The following ARHGEF26 variants were observed in gnomAD, a reference collection of about 807,000 sequenced individuals.
ARHGEF26 encodes the protein Rho guanine nucleotide exchange factor 26.
In ARHGEF26, 59 loss-of-function variants were observed where a neutral mutation model predicts 89.4. The observed-to-expected ratio is 0.66, with a 90% CI of 0.54 to 0.82. ARHGEF26 has a LOEUF of 0.82. Ranked by LOEUF, ARHGEF26 falls within the 40% of genes least tolerant of loss-of-function variation. The pLI is 0.00. For synonymous variants in ARHGEF26, 500 were observed against 428.4 expected (o/e 1.17, Z -2.06); for missense variants, 1,234 against 1,085.6 (o/e 1.14, Z -1.92).
At chr3:154,212,302 A>G (rs969697371) in intron 9 of ARHGEF26, among the ~76,000 whole-genome samples, 6 of 151,100 alleles carry the variant, frequency 4.0e-5, no homozygotes, top group African/African-American at 1.5e-4. Flanking sequence ...TGATCACACC[A>G]CTGTACTACA....
chr3:154,141,473 C>T (rs1719379843), intron 4 of ARHGEF26, among the ~76,000 whole-genome samples: 1 of 152,154 alleles, frequency 6.6e-6, no homozygotes, highest in African/African-American at 2.4e-5. Flanking sequence ...TGTACTATGG[C>T]ACAAAATGTG....
chr3:154,161,961 C>T (rs567656858), intron 6 of ARHGEF26, among the ~76,000 whole-genome samples: 3 of 152,220 alleles, frequency 2.0e-5, no homozygotes, highest in Admixed American at 2.0e-4. Context: ...TTTGCATTGC[C>T]TTTACAAATT....
chr3:154,129,872 C>T lies in ARHGEF26; in HGVS notation c.1269+153C>T, dbSNP rs116606809. The T allele has an allele frequency of 2.8e-3, 2,561 of 926,422 alleles. 9 individuals carry two copies. The highest frequency in any genetic ancestry group is 3.5e-3 in the South Asian group (182 of 52,052). 57.4% of individuals were successfully genotyped at this position (926,422 alleles called of 1,614,324 possible). On this transcript the variant is annotated intron_variant, in intron 4 of 14. Transcript: ENST00000465093. ...GTGAAATGTTTCTCGGAACTCTGCC[C>T]GCACTAATGAGAACATGAACTTTGA...
chr3:154,191,220 C>T, intron 7 of ARHGEF26, 69 bp from the exon 8 acceptor site: 1 of 1,487,382 alleles, frequency 6.7e-7, no homozygotes, highest in Non-Finnish European at 9.1e-7. Flanking sequence ...TTTTGTAATA[C>T]ATTTTTACTT....
chr3:154,256,679 A>AACAC lies in ARHGEF26; in HGVS notation c.*1209_*1212dup, dbSNP rs1298525011. On this transcript the variant is annotated 3_prime_UTR_variant, in exon 15 of 15. Coordinates refer to ENST00000465093, the MANE Select transcript of ARHGEF26 (RefSeq NM_015595.4). ...TCGTTTCCAAATAGAAATTAGCTGGAACACACTACAGTAATCTCAAGGAAG... is the reference window on the plus strand; with the variant it reads ...TCGTTTCCAAATAGAAATTAGCTGGAACACACACACTACAGTAATCTCAAGGAAG... 4 of 1,233,572 alleles carry AACAC rather than the reference A, an allele frequency of 3.2e-6. No homozygotes were observed. The highest frequency in any genetic ancestry group is 4.0e-6 in the Non-Finnish European group (4 of 990,176). 76.4% of individuals were successfully genotyped at this position (1,233,572 alleles called of 1,614,324 possible).
chr3:154,253,213 G>A, intron 13 of ARHGEF26, 30 bp downstream of exon 13: 1 of 1,613,322 alleles, frequency 6.2e-7, no homozygotes, highest in Non-Finnish European at 8.5e-7. Context: ...AGCCCACTTG[G>A]GAACATGGAT....
At chr3:154,246,473 A>T (rs547688590) in intron 12 of ARHGEF26, among the ~76,000 whole-genome samples, 1 of 152,320 alleles carries the variant, frequency 6.6e-6, no homozygotes, top group South Asian at 2.1e-4. Context: ...GACATTTCTG[A>T]GGCATCAAAA....
chr3:154,121,900 G>C, intron 1 of ARHGEF26, 42 bp from the exon 2 acceptor site: 1 of 1,480,498 alleles, frequency 6.8e-7, no homozygotes, highest in South Asian at 1.4e-5. Flanking sequence ...AGGCGTCCCC[G>C]GTTGTCCAGA....
chr3:154,143,766 C>A (rs946635430), intron 4 of ARHGEF26, among the ~76,000 whole-genome samples: 8 of 152,106 alleles, frequency 5.3e-5, no homozygotes. Context: ...TGTTAGTCTT[C>A]GGTTAAATTA....
intron 6 of ARHGEF26, among the ~76,000 whole-genome samples, chr3:154,178,994 A>G (rs1312647064): frequency 1.3e-5 from 2 of 152,190 alleles, no homozygotes; most frequent in Non-Finnish European, 2.9e-5. Context: ...GGGCATTTCG[A>G]GTTCTACATG....
At chr3:154,156,632 T>C (rs1308590468) in intron 6 of ARHGEF26, among the ~76,000 whole-genome samples, 3 of 152,174 alleles carry the variant, frequency 2.0e-5, no homozygotes, top group African/African-American at 7.2e-5. Context: ...GAAACACTCA[T>C]TTCAGATACA....
rs776306982 is a variant in ARHGEF26, at chr3:154,254,725, A to G, written c.2374A>G (p.Thr792Ala). ...GKPPADRTSL[T>A]QVEIVRSFTA... is the part of the protein sequence containing the mutation. Reference sequence around the variant, plus strand: ...ATGTCCTCTTTTGGCCTCAGCACTGACCCAGGTGGAAATCGTTAGGTCATT... The same window carrying G: ...ATGTCCTCTTTTGGCCTCAGCACTGGCCCAGGTGGAAATCGTTAGGTCATT... Residue 792 changes from threonine (T) to alanine (A), a missense_variant, in exon 14 of 15, where the codon ACC becomes GCC. Transcript: ENST00000465093. 1 of 1,613,710 alleles carries G rather than the reference A, an allele frequency of 6.2e-7. No homozygotes were observed. Among genetic ancestry groups the G allele is most frequent in the Admixed American group, 1.7e-5 (1 of 60,014 alleles).
At position 154,244,684 on chromosome 3, in the gene ARHGEF26, C is replaced by T. The variant is rs183917626; in HGVS notation, c.2300+4105C>T. Among the ~76,000 whole-genome samples, 484 of 151,658 alleles carry T rather than the reference C, an allele frequency of 3.2e-3. 1 individual carries two copies. Among genetic ancestry groups the T allele is most frequent in the African/African-American group, 0.011 (453 of 41,406 alleles). ...AATATTACATAAAACAAAATATTAT[C>T]AATAACAAATTATAAATATATACAC... On this transcript the variant is annotated intron_variant, in intron 12 of 14. Coordinates refer to ENST00000465093, the MANE Select transcript of ARHGEF26 (RefSeq NM_015595.4).
chr3:154,202,320 T>G (rs1357283538), intron 9 of ARHGEF26, among the ~76,000 whole-genome samples: 1 of 152,204 alleles, frequency 6.6e-6, no homozygotes. Context: ...GTTGTAGATA[T>G]GCGGCATTAT....
At position 154,255,023 on chromosome 3, in the gene ARHGEF26, GTTC is replaced by G. The variant is rs1208084233; in HGVS notation, c.2473+202_2473+204del. Among the ~76,000 whole-genome samples, 4 of 152,168 alleles carry G rather than the reference GTTC, an allele frequency of 2.6e-5. No individual in the cohort carries two copies. In the East Asian group the frequency reaches 7.7e-4, roughly 29 times the overall value. Reference sequence around the variant, plus strand: ...TTTTCCCCAGTCCCTCAGTGACCCAGTTCTTATCTCTAAATATTCGTCCTTTCA... The same window carrying G: ...TTTTCCCCAGTCCCTCAGTGACCCAGTTATCTCTAAATATTCGTCCTTTCA... On this transcript the variant is annotated intron_variant, in intron 14 of 14. Coordinates refer to ENST00000465093, the MANE Select transcript of ARHGEF26 (RefSeq NM_015595.4).
intron 6 of ARHGEF26, among the ~76,000 whole-genome samples, chr3:154,183,097 C>T (rs935717206): frequency 2.0e-5 from 3 of 152,164 alleles, no homozygotes; most frequent in Non-Finnish European, 2.9e-5. Context: ...CCATTATCTG[C>T]ACAGCTGAGG....
intron 11 of ARHGEF26, among the ~76,000 whole-genome samples, chr3:154,227,737 T>G (rs867371888): frequency 2.6e-5 from 4 of 152,240 alleles, no homozygotes; most frequent in African/African-American, 2.4e-5. Flanking sequence ...GCCAGAACTC[T>G]TGACTTTTAA....
At chr3:154,139,164 A>G (rs1410928885) in intron 4 of ARHGEF26, among the ~76,000 whole-genome samples, 1 of 152,032 alleles carries the variant, frequency 6.6e-6, no homozygotes, top group Non-Finnish European at 1.5e-5. Context: ...ATTTGGGGTG[A>G]TGGTGGGTAA....
intron 9 of ARHGEF26, among the ~76,000 whole-genome samples, chr3:154,216,268 A>C (rs1275616541): frequency 1.3e-5 from 2 of 152,058 alleles, no homozygotes; most frequent in Admixed American, 6.5e-5. Context: ...TTAATGAGAT[A>C]CTTGAGATGC....
Sources: gnomAD v4.1 joint callset for allele counts (sites outside exome capture counted in the v4.1 genomes callset) on GRCh38, gnomAD v4.1.1 for gene constraint, MANE v1.5 for transcripts, NCBI Gene and HGNC (gene_info 2026-07-23, HGNC 2026-07-21) for gene names.